The following ANLN variants were observed in gnomAD, a reference collection of about 807,000 sequenced individuals.
The protein encoded by ANLN is anillin, actin binding protein.
In ANLN, 59 loss-of-function variants were observed where a neutral mutation model predicts 135.1. The ratio of observed to expected loss-of-function variants is 0.44; its 90% CI spans 0.35 to 0.54. The LOEUF (loss-of-function observed/expected upper bound fraction) is 0.54, where lower values mean the gene tolerates loss of function less well. ANLN is among the 20% of genes least tolerant of loss of function. ANLN has a pLI of 0.00. For missense variants in ANLN, 1,182 were observed against 1,340.0 expected (o/e 0.88, Z 1.84); for synonymous variants, 406 against 456.4 (o/e 0.89, Z 1.41).
chr7:36,422,561 A>G (rs951910165), intron 13 of ANLN, 72 bp from the exon 14 acceptor site: 1 of 1,349,720 alleles, frequency 7.4e-7, no homozygotes, highest in Non-Finnish European at 1.0e-6. Context: ...ATATCAGTAC[A>G]CTTTTTTGAA....
At chr7:36,429,105 T>A (rs1788209043) in intron 20 of ANLN, among the ~76,000 whole-genome samples, 1 of 152,152 alleles carries the variant, frequency 6.6e-6, no homozygotes, top group Non-Finnish European at 1.5e-5. Context: ...ATGGTCTTAA[T>A]TGGCTAATAG....
chr7:36,391,649 G>A (rs1004458528), intron 1 of ANLN, among the ~76,000 whole-genome samples: 18 of 152,162 alleles, frequency 1.2e-4, no homozygotes, highest in African/African-American at 4.1e-4. Context: ...TACTGGTACA[G>A]TTGTCTATCA....
At chr7:36,442,504 A>G (rs1309349257) in intron 21 of ANLN, among the ~76,000 whole-genome samples, 3 of 152,024 alleles carry the variant, frequency 2.0e-5, no homozygotes, top group African/African-American at 7.2e-5. Context: ...AGTCTAAAAT[A>G]TTTACTCTCT....
At chr7:36,431,551 ATGTGTGTGTT>A (rs1333725234) in intron 20 of ANLN, among the ~76,000 whole-genome samples, 3 of 93,782 alleles carry the variant, frequency 3.2e-5, no homozygotes, top group Non-Finnish European at 4.5e-5. Context: ...GTGTGTATAT[ATGTGTGTGTT>A]TGTGTGTGTG....
In ANLN at chr7:36,442,768, A is replaced by G. The variant is rs903063413; in HGVS notation, c.2971-987A>G. 3.3e-5 allele frequency among the ~76,000 whole-genome samples: 5 copies of G among 151,940 alleles called. No individual in the cohort carries two copies. In the South Asian group the frequency reaches 1.0e-3, roughly 31 times the overall value. ...TGCCTCAGCCTCCTGAGTAGCTGAG[A>G]CTACAGATGCTCACCGCCACGCCTG... On this transcript the variant is annotated intron_variant, in intron 21 of 23. Coordinates refer to ENST00000265748, the MANE Select transcript of ANLN (RefSeq NM_018685.5).
chr7:36,417,022 A>G, intron 8 of ANLN, 58 bp from the exon 9 acceptor site: 1 of 920,268 alleles, frequency 1.1e-6, no homozygotes, highest in Non-Finnish European at 1.6e-6. Flanking sequence ...AAGATTCCAT[A>G]ATTAGAAAAT....
rs997792047 is a variant in ANLN at position 36,410,683 on chromosome 7, T to G, written c.1266T>G (p.His422Gln). 6.2e-7 allele frequency: 1 copy of G among 1,613,880 alleles called. No homozygotes were observed. Among genetic ancestry groups the G allele is most frequent in the Admixed American group, 1.7e-5 (1 of 59,958 alleles). Residue 422 changes from histidine to glutamine, a missense_variant, in exon 6 of 24, where the codon CAT becomes CAG. By Grantham distance (24) the His-to-Gln change is conservative. Transcript: ENST00000265748. ...AAGACACATCTTCATCTACTACCCA[T>G]TTAGCACAACAGCTCAAGCAGGTAT... ...FKQDTSSSTTHLAQQLKQERQ... is the reference protein window; with the variant it reads ...FKQDTSSSTTQLAQQLKQERQ...
In ANLN at chr7:36,423,931, C is replaced by T; in HGVS notation, c.2591C>T (p.Thr864Ile). Residue 864 changes from threonine to isoleucine, a missense_variant, in exon 15 of 24, where the codon ACT becomes ATT. Transcript: ENST00000265748. Reference sequence around the variant, plus strand: ...AACGGTGATGCTCTGACATTCACTACTACATTTACTCTGTAAGTAAATCAG... The same window carrying T: ...AACGGTGATGCTCTGACATTCACTATTACATTTACTCTGTAAGTAAATCAG... ...SLNGDALTFT[T>I]TFTLQDVSND... 6.2e-7 allele frequency: 1 copy of T among 1,610,952 alleles called. No individual in the cohort carries two copies. The highest frequency in any genetic ancestry group is 8.5e-7 in the Non-Finnish European group (1 of 1,178,544).
intron 5 of ANLN, among the ~76,000 whole-genome samples, chr7:36,408,604 T>C (rs1353551458): frequency 6.6e-6 from 1 of 152,222 alleles, no homozygotes; most frequent in Non-Finnish European, 1.5e-5. Flanking sequence ...CTTGTAGCTA[T>C]TTTGAAGTAT....
intron 7 of ANLN, among the ~76,000 whole-genome samples, chr7:36,412,329 T>TATATA (rs1562796065): frequency 0.037 from 2,218 of 60,664 alleles, 12 homozygotes; most frequent in South Asian, 0.057. Context: ...ATATATATAT[T>TATATA]TTTTTTTTTT....
At chr7:36,421,509 T>C (rs2116665442) in intron 12 of ANLN, among the ~76,000 whole-genome samples, 1 of 152,240 alleles carries the variant, frequency 6.6e-6, no homozygotes, top group East Asian at 1.9e-4. Context: ...TGAGCCACCA[T>C]GCCTGGCCCT....
intron 21 of ANLN, among the ~76,000 whole-genome samples, chr7:36,443,129 C>CTGCCT (rs1386978313): frequency 6.6e-6 from 1 of 152,202 alleles, no homozygotes; most frequent in African/African-American, 2.4e-5. Context: ...TCCAGCACTA[C>CTGCCT]TGCCTTGCCT....
chr7:36,410,726 A>G (rs1562794658), intron 6 of ANLN, 22 bp downstream of exon 6: 2 of 1,600,866 alleles, frequency 1.2e-6, no homozygotes, highest in South Asian at 1.1e-5. Flanking sequence ...TGCATTTAAC[A>G]TTATTCATCA....
intron 22 of ANLN, among the ~76,000 whole-genome samples, chr7:36,444,387 A>G (rs1020539255): frequency 3.3e-5 from 5 of 151,130 alleles, no homozygotes; most frequent in African/African-American, 1.2e-4. Context: ...TGATTTGACC[A>G]CTCTTAAAAT....
intron 20 of ANLN, 31 bp downstream of exon 20, chr7:36,427,059 G>GTTT: frequency 1.5e-6 from 2 of 1,329,260 alleles, no homozygotes; most frequent in South Asian, 2.7e-5. Context: ...AGGGTGTGGT[G>GTTT]TTTTTTTTTT....
At chr7:36,436,402 A>G (rs1000075873) in intron 20 of ANLN, among the ~76,000 whole-genome samples, 4 of 152,170 alleles carry the variant, frequency 2.6e-5, no homozygotes, top group African/African-American at 9.7e-5. Flanking sequence ...CATTTTGCCT[A>G]TTGTGAATAG....
At chr7:36,396,185 T>C (rs1477162426) in intron 1 of ANLN, 81 bp from the exon 2 acceptor site, 6 of 1,224,018 alleles carry the variant, frequency 4.9e-6, no homozygotes, top group African/African-American at 1.5e-5. Flanking sequence ...TGTATGGCAA[T>C]TGGTGATTTT....
intron 23 of ANLN, among the ~76,000 whole-genome samples, chr7:36,450,625 C>A (rs1007668076): frequency 2.0e-5 from 3 of 152,118 alleles, no homozygotes. Flanking sequence ...ATAGAGGACT[C>A]ATTTGATGGA....
rs1410733713 is a variant in ANLN, at chr7:36,422,527, T to C, written c.2300-106T>C. On this transcript the variant is annotated intron_variant, in intron 13 of 23. Coordinates refer to ENST00000265748, the MANE Select transcript of ANLN (RefSeq NM_018685.5). ...TATAAAGATAGTGTTACTGATTTCG[T>C]CTTCGCTGTTACGTACAGTTTCCAT... is the stretch of plus-strand genomic sequence containing the variant. 5 of 964,556 alleles carry C rather than the reference T, an allele frequency of 5.2e-6. No homozygotes were observed. In the Admixed American group the frequency reaches 1.6e-4, roughly 32 times the overall value. The allele number at this position is 964,556 out of a possible 1,614,324, so 59.7% of individuals were successfully genotyped here. A position where few individuals can be genotyped will look rare whatever the true frequency, so the allele number is the denominator to read the frequency against.
Sources: gnomAD v4.1 joint callset for allele counts (sites outside exome capture counted in the v4.1 genomes callset) on GRCh38, gnomAD v4.1.1 for gene constraint, MANE v1.5 for transcripts, NCBI Gene and HGNC (gene_info 2026-07-23, HGNC 2026-07-21) for gene names.